Variants in MDGA2 observed in about 807,000 individuals in gnomAD.
MDGA2 encodes the protein MAM domain-containing glycosylphosphatidylinositol anchor protein 2.
Under a neutral mutation model 117.8 loss-of-function variants are expected in MDGA2, and 40 were observed. The observed-to-expected ratio is 0.34, with a 90% confidence interval of 0.26 to 0.44. The LOEUF (loss-of-function observed/expected upper bound fraction) is 0.44, where lower values mean the gene tolerates loss of function less well. MDGA2 is among the 20% of genes least tolerant of loss of function. The pLI is 1.00. For missense variants in MDGA2, 1,123 were observed against 1,250.6 expected, an observed-to-expected ratio of 0.90 and a Z score of 1.54; for synonymous variants, 452 against 439.0, an observed-to-expected ratio of 1.03 and a Z score of -0.37.
chr14:46,873,890 CAA>C (rs1422418329), intron 13 of MDGA2, 153 bp downstream of exon 13: 12 of 686,542 alleles, frequency 1.7e-5, no homozygotes, highest in Non-Finnish European at 2.4e-5. Context: ...TTAATGTCTA[CAA>C]AGTTTTGTAA....
intron 4 of MDGA2, among the ~76,000 whole-genome samples, chr14:47,140,540 A>G (rs1213483989): frequency 6.6e-6 from 1 of 152,090 alleles, no homozygotes; most frequent in African/African-American, 2.4e-5. Context: ...CTTACAGCCA[A>G]TGAATTTTCA....
chr14:47,196,538 C>A (rs1313887044), intron 3 of MDGA2, among the ~76,000 whole-genome samples: 2 of 152,146 alleles, frequency 1.3e-5, no homozygotes, highest in Non-Finnish European at 2.9e-5. Flanking sequence ...ATAATATAAA[C>A]AGATGAATAG....
At chr14:47,360,149 C>T (rs568120907) in intron 1 of MDGA2, among the ~76,000 whole-genome samples, 14 of 151,890 alleles carry the variant, frequency 9.2e-5, no homozygotes, top group Admixed American at 2.0e-4. Flanking sequence ...GTATGGAGTT[C>T]GAGACCAGTC....
chr14:47,047,785 C>T (rs776371784), intron 7 of MDGA2, among the ~76,000 whole-genome samples: 2 of 151,572 alleles, frequency 1.3e-5, no homozygotes, highest in African/African-American at 2.4e-5. Flanking sequence ...GGTACTTACA[C>T]GGTCAAACAA....
At chr14:47,071,593 C>G (rs1014413395) in intron 6 of MDGA2, among the ~76,000 whole-genome samples, 3 of 151,290 alleles carry the variant, frequency 2.0e-5, no homozygotes, top group African/African-American at 7.3e-5. Context: ...ATCAAACAAG[C>G]AAATAAGTCA....
chr14:46,998,519 C>T (rs1356318652), intron 8 of MDGA2, among the ~76,000 whole-genome samples: 2 of 152,098 alleles, frequency 1.3e-5, no homozygotes, highest in African/African-American at 4.8e-5. Flanking sequence ...ATATCAAGCT[C>T]TTTTGCATTT....
intron 2 of MDGA2, among the ~76,000 whole-genome samples, chr14:47,251,211 G>A (rs990918173): frequency 3.3e-5 from 5 of 151,998 alleles, no homozygotes; most frequent in African/African-American, 1.2e-4. Flanking sequence ...TTGCTTCAGG[G>A]CCTTTTCACC....
rs200472344 is a variant in MDGA2, at chr14:47,150,445, AT to A, written c.596-6172del. 3.6e-4 allele frequency among the ~76,000 whole-genome samples: 55 copies of A among 152,078 alleles called. No individual in the cohort carries two copies. The East Asian group carries it at 8.5e-3, about 24-fold the overall frequency. ...GATGATTAATTACACTCAGCCTTTC[AT>A]TTTTTTTCTCCACTGCGTAAAAGGA... On this transcript the variant is annotated intron_variant, in intron 3 of 16. Coordinates refer to ENST00000399232, the MANE Select transcript of MDGA2 (RefSeq NM_001113498.3).
intron 1 of MDGA2, among the ~76,000 whole-genome samples, chr14:47,402,988 C>G: frequency 6.6e-6 from 1 of 152,116 alleles, no homozygotes; most frequent in East Asian, 1.9e-4. Flanking sequence ...TAATCTCTCC[C>G]TCTTGACTTT....
At chr14:47,570,147 C>T (rs956852424) in intron 1 of MDGA2, among the ~76,000 whole-genome samples, 1 of 152,016 alleles carries the variant, frequency 6.6e-6, no homozygotes, top group African/African-American at 2.4e-5. Context: ...AAAATGTTAT[C>T]TTCTTTCTCA....
intron 5 of MDGA2, among the ~76,000 whole-genome samples, chr14:47,117,646 C>T (rs994087898): frequency 1.3e-5 from 2 of 151,688 alleles, no homozygotes; most frequent in African/African-American, 2.4e-5. Flanking sequence ...GAAATGAGCC[C>T]GAAAGAGAAA....
chr14:47,226,216 CATAAATAA>C lies in MDGA2; in HGVS notation c.421-8029_421-8022del, dbSNP rs201861877. 2.6e-3 allele frequency among the ~76,000 whole-genome samples: 368 copies of C among 142,910 alleles called. 1 individual carries two copies. Among genetic ancestry groups the C allele is most frequent in the Admixed American group, 4.0e-3 (57 of 14,202 alleles). The allele number at this position is 142,910 out of a possible 152,430, so 93.8% of individuals were successfully genotyped here. Reference sequence around the variant, plus strand: ...GCAACAGAGTGAGACACTGTCTCACCATAAATAAATAAATAAATAAATAAATAAATAAA... The same window carrying C: ...GCAACAGAGTGAGACACTGTCTCACCATAAATAAATAAATAAATAAATAAA... On this transcript the variant is annotated intron_variant, in intron 2 of 16. Coordinates refer to ENST00000399232, the MANE Select transcript of MDGA2 (RefSeq NM_001113498.3).
intron 1 of MDGA2, among the ~76,000 whole-genome samples, chr14:47,650,777 A>T (rs893393867): frequency 6.6e-6 from 1 of 152,196 alleles, no homozygotes; most frequent in Non-Finnish European, 1.5e-5. Flanking sequence ...ATGCACAAAA[A>T]AACAATGTGG....
chr14:47,104,849 T>C (rs1264617412), intron 5 of MDGA2, among the ~76,000 whole-genome samples: 1 of 152,030 alleles, frequency 6.6e-6, no homozygotes, highest in East Asian at 1.9e-4. Flanking sequence ...CTCTTTTTAC[T>C]CTCTTCTCCA....
intron 6 of MDGA2, among the ~76,000 whole-genome samples, chr14:47,072,557 T>G (rs958760190): frequency 9.2e-5 from 14 of 152,182 alleles, no homozygotes; most frequent in African/African-American, 3.4e-4. Context: ...AGTGATAGTT[T>G]AAAGTATTGG....
At chr14:47,104,512 G>C (rs1241461570) in intron 5 of MDGA2, among the ~76,000 whole-genome samples, 6 of 141,104 alleles carry the variant, frequency 4.3e-5, no homozygotes, top group Non-Finnish European at 7.5e-5. Flanking sequence ...AACCCCCTTT[G>C]ACTGTAATTT....
Position 47,077,312 on chromosome 14 carries a change from T to C in MDGA2, c.1196-15734A>G, listed in dbSNP as rs534478624. Among the ~76,000 whole-genome samples the C allele has an allele frequency of 9.0e-4, 137 of 152,258 alleles. 2 individuals are homozygous for C. The South Asian group carries it at 0.025, about 28-fold the overall frequency. On this transcript the variant is annotated intron_variant, in intron 6 of 16. Transcript: ENST00000399232. ...CAGCTCTTATTCCTTACAATCATCA[T>C]AGGGTTAGTGTGAAAGCTTTATTCC...
At chr14:46,868,342 T>TG in intron 14 of MDGA2, among the ~76,000 whole-genome samples, 1 of 151,876 alleles carries the variant, frequency 6.6e-6, no homozygotes, top group East Asian at 1.9e-4. Flanking sequence ...TTAATTTTTT[T>TG]GGGGGAGTAC....
At chr14:47,030,930 A>G (rs1314815572) in intron 8 of MDGA2, among the ~76,000 whole-genome samples, 1 of 152,174 alleles carries the variant, frequency 6.6e-6, no homozygotes, top group Non-Finnish European at 1.5e-5. Context: ...AAAATTAGCA[A>G]TGTGAACAAG....
Sources: allele counts gnomAD v4.1 joint callset (sites outside exome capture counted in the v4.1 genomes callset), GRCh38; gene constraint gnomAD v4.1.1; transcripts MANE v1.5; gene names NCBI Gene and HGNC (gene_info 2026-07-23, HGNC 2026-07-21).